Variants in DISP2 observed in about 807,000 individuals in gnomAD.
DISP2 encodes protein dispatched homolog 2.
In DISP2, 59 loss-of-function variants were observed where a neutral mutation model predicts 95.5. The observed-to-expected ratio is 0.62, with a 90% CI of 0.50 to 0.77. The LOEUF (loss-of-function observed/expected upper bound fraction) is 0.77. DISP2 is among the 30% of genes least tolerant of loss of function. The probability of loss-of-function intolerance (pLI) is 0.00; values close to 1 mark genes in which losing one functional copy is unlikely to be tolerated. For missense variants in DISP2, 1,752 were observed against 1,854.6 expected (o/e 0.94, Z 1.02); for synonymous variants, 827 against 815.0 (o/e 1.01, Z -0.25).
intron 4 of DISP2, 123 bp downstream of exon 4, chr15:40,364,667 G>C (rs909334771): frequency 2.7e-6 from 4 of 1,478,254 alleles, no homozygotes; most frequent in Non-Finnish European, 3.6e-6. Context: ...GTAGGCTCTT[G>C]ACCTCCAGAG....
At chr15:40,365,779 A>C in intron 7 of DISP2, 54 bp downstream of exon 7, 1 of 1,555,328 alleles carries the variant, frequency 6.4e-7, no homozygotes, top group Non-Finnish European at 8.9e-7. Context: ...GACATGAGGG[A>C]ACTGATCCCA....
Position 40,367,566 on chromosome 15 carries a change from T to G in DISP2, c.1454T>G (p.Leu485Arg). ...AAGCAGGAGCTGCTGAGGCACTTCC[T>G]GGTCCAGGACACGGTGTACCCCTTG... ...GLKQELLRHF[L>R]VQDTVYPLLA... Residue 485 changes from leucine (L) to arginine (R), a missense_variant, in exon 8 of 8, where the codon CTG (leucine) becomes CGG (arginine). By Grantham distance (102) the Leu-to-Arg change is moderately radical (BLOSUM62 -2). Transcript: ENST00000267889. The G allele has an allele frequency of 6.2e-7, 1 of 1,613,980 alleles. No homozygotes were observed. Among genetic ancestry groups the G allele is most frequent in the Non-Finnish European group, 8.5e-7 (1 of 1,180,018 alleles).
At chr15:40,363,147 CAAA>C (rs5812160) in intron 1 of DISP2, among the ~76,000 whole-genome samples, 1 of 134,830 alleles carries the variant, frequency 7.4e-6, no homozygotes. Context: ...ACTGAAAATA[CAAA>C]AAAAAAAAAA....
rs1566918355 is a variant in DISP2, at chr15:40,370,768, T to A, written c.*450T>A. On this transcript the variant is annotated 3_prime_UTR_variant, in exon 8 of 8. Transcript: ENST00000267889. ...GCAGCAATCTCCACAGCCTCCTGGG[T>A]CTCACCCCTTTCATGGGCTCTTCAT... 1.2e-5 allele frequency: 5 copies of A among 411,048 alleles called. No homozygotes were observed. Among genetic ancestry groups the A allele is most frequent in the South Asian group, 8.5e-5 (5 of 58,816 alleles). 25.5% of individuals were successfully genotyped at this position (411,048 alleles called of 1,614,324 possible).
At chr15:40,359,746 G>T (rs751713662) in intron 1 of DISP2, among the ~76,000 whole-genome samples, 19 of 152,194 alleles carry the variant, frequency 1.2e-4, no homozygotes, top group Non-Finnish European at 2.6e-4. Flanking sequence ...GACACTAATT[G>T]GGCATAGGGA....
rs1215055480 is a variant in DISP2, at chr15:40,364,226, G to A, written c.450G>A (p.Arg150=). 6.2e-7 allele frequency: 1 copy of A among 1,614,076 alleles called. No individual in the cohort carries two copies. The highest frequency in any genetic ancestry group is 1.1e-5 in the South Asian group (1 of 91,086). ...AAGCATCTTTTCTTCTCTTCCACAG[G>A]CAGGAACGAGCCTTCCAGATGCCAA... The part of the protein sequence containing the change: ...PAVQHHVVSV[R]QERAFQMPKS... Residue 150 remains arginine (R), a splice_region_variant and synonymous_variant, in exon 3 of 8, where the codon AGG becomes AGA. Transcript: ENST00000267889.
At chr15:40,360,328 C>G (rs937670498) in intron 1 of DISP2, among the ~76,000 whole-genome samples, 1 of 152,200 alleles carries the variant, frequency 6.6e-6, no homozygotes, top group Non-Finnish European at 1.5e-5. Flanking sequence ...GATCAGAGGG[C>G]AGCAGGAGGT....
chr15:40,373,187 TG>T lies in DISP2; in HGVS notation c.*2870del, dbSNP rs1444953664. ...TATTATTAGGGGCACTTACAATGAG[TG>T]TATGGCCCTGGAGACATGGCTTACA... On this transcript the variant is annotated 3_prime_UTR_variant, in exon 8 of 8. Transcript: ENST00000267889. The T allele has an allele frequency of 6.6e-6, 1 of 152,148 alleles. No homozygotes were observed. The highest frequency in any genetic ancestry group is 1.5e-5 in the Non-Finnish European group (1 of 68,032). The allele number at this position is 152,148 out of a possible 1,614,324, so 9.4% of individuals were successfully genotyped here. A position where few individuals can be genotyped will look rare whatever the true frequency, so the allele number is the denominator to read the frequency against.
rs759432924 is a variant in DISP2 at position 40,368,518 on chromosome 15, G to C, written c.2406G>C (p.Ser802=). The C allele has an allele frequency of 1.9e-6, 3 of 1,606,164 alleles. No homozygotes were observed. The highest frequency in any genetic ancestry group is 1.7e-6 in the Non-Finnish European group (2 of 1,179,890). Reference sequence around the variant, plus strand: ...GCCTGGTGAGGGACCCTGCCTTCTCGGCCAGCGGCCCTGAGGCCCAGCGCT... The same window carrying C: ...GCCTGGTGAGGGACCCTGCCTTCTCCGCCAGCGGCCCTGAGGCCCAGCGCT... ...NSSLVRDPAF[S]ASGPEAQRWL... The change falls in exon 8 of 8, where the codon TCG becomes TCC. Residue 802 remains serine, a synonymous_variant. Coordinates refer to ENST00000267889, the MANE Select transcript of DISP2 (RefSeq NM_033510.3).
chr15:40,375,355 A>G lies in DISP2; in HGVS notation c.*5037A>G, dbSNP rs1403707372. On this transcript the variant is annotated 3_prime_UTR_variant, in exon 8 of 8. Transcript: ENST00000267889. The stretch of plus-strand genomic sequence containing the variant: ...ACAAGAGCTTTAATATTGCTAAAGA[A>G]AATCACACAGCTGAGCAGATTGATG... The G allele has an allele frequency of 1.3e-5, 2 of 152,212 alleles. No homozygotes were observed. The highest frequency in any genetic ancestry group is 2.9e-5 in the Non-Finnish European group (2 of 68,030). 9.4% of individuals were successfully genotyped at this position (152,212 alleles called of 1,614,324 possible). A position where few individuals can be genotyped will look rare whatever the true frequency, so the allele number is the denominator to read the frequency against.
rs202222251 is a variant in DISP2, at chr15:40,369,159, C to T, written c.3047C>T (p.Thr1016Ile). ...LLVLLEWQLN[T>I]AEALFLSASV... is the part of the protein sequence containing the mutation. ...GTTCTCCTCGAGTGGCAGCTCAACACTGCCGAGGCCCTGTTTCTCTCTGCC... is the reference window on the plus strand; with the variant it reads ...GTTCTCCTCGAGTGGCAGCTCAACATTGCCGAGGCCCTGTTTCTCTCTGCC... Residue 1016 changes from threonine to isoleucine, a missense_variant, in exon 8 of 8, where the codon ACT becomes ATT. Coordinates refer to ENST00000267889, the MANE Select transcript of DISP2 (RefSeq NM_033510.3). The T allele has an allele frequency of 3.1e-6, 5 of 1,613,910 alleles. No individual in the cohort carries two copies. The East Asian group carries it at 8.9e-5, about 29-fold the overall frequency.
At chr15:40,358,835 C>A (rs1053825025) in intron 1 of DISP2, among the ~76,000 whole-genome samples, 1 of 152,226 alleles carries the variant, frequency 6.6e-6, no homozygotes, top group Non-Finnish European at 1.5e-5. Context: ...TGAAGGTGTG[C>A]GTGAATCGCG....
rs1023930716 is a variant in DISP2, at chr15:40,368,076, G to C, written c.1964G>C (p.Arg655Pro). The C allele has an allele frequency of 1.4e-6, 2 of 1,418,106 alleles. No homozygotes were observed. Among genetic ancestry groups the C allele is most frequent in the Non-Finnish European group, 9.1e-7 (1 of 1,094,626 alleles). The allele number at this position is 1,418,106 out of a possible 1,614,324, so 87.8% of individuals were successfully genotyped here. Residue 655 changes from arginine (R) to proline (P), a missense_variant, in exon 8 of 8, where the codon CGG becomes CCG. Coordinates refer to ENST00000267889, the MANE Select transcript of DISP2 (RefSeq NM_033510.3). ...ERYLARGCARRARGRWEGSAP... is the reference protein window; with the variant it reads ...ERYLARGCARPARGRWEGSAP... ...TACCTGGCGCGCGGCTGTGCGCGCC[G>C]GGCGCGGGGCCGGTGGGAGGGCAGC...
Position 40,367,519 on chromosome 15 carries a change from C to G in DISP2, c.1407C>G (p.Val469=). 1 of 1,613,812 alleles carries G rather than the reference C, an allele frequency of 6.2e-7. No individual in the cohort carries two copies. Among genetic ancestry groups the G allele is most frequent in the Non-Finnish European group, 8.5e-7 (1 of 1,179,992 alleles). ...GGCTTGCTGACAACTACACCTCTGT[C>G]ACTGGCATGGACCTGGGCCTCAAGC... The part of the protein sequence containing the change: ...PWGLADNYTS[V]TGMDLGLKQE... Residue 469 remains valine (V), a synonymous_variant, in exon 8 of 8, where the codon GTC becomes GTG. Coordinates refer to ENST00000267889, the MANE Select transcript of DISP2 (RefSeq NM_033510.3).
rs781072978 is a variant in DISP2, at chr15:40,365,704, G to A, written c.924G>A (p.Met308Ile). The A allele has an allele frequency of 1.5e-5, 24 of 1,614,004 alleles. No homozygotes were observed. In the African/African-American group the frequency reaches 1.7e-4, roughly 12 times the overall value. ...SLWNLHAIHS[M>I]CRMEQDQIRS... is the part of the protein sequence containing the mutation. ...GGAACCTGCATGCCATCCATTCCAT[G>A]TGTCGCATGGAACAGGACCAGGTGA... The change falls in exon 7 of 8, where the codon ATG becomes ATA. Residue 308 changes from methionine to isoleucine, a missense_variant. Met to Ile is a conservative substitution (Grantham distance 10). This residue lies in a region of DISP2 where 732 missense variants were observed against 714.6 expected (regional missense o/e 1.02). Transcript: ENST00000267889.
intron 6 of DISP2, 64 bp downstream of exon 6, chr15:40,365,338 G>C: frequency 7.6e-6 from 12 of 1,584,550 alleles, no homozygotes; most frequent in Non-Finnish European, 1.0e-5. Context: ...AGTAGGACAG[G>C]CAGGCCCAGA....
chr15:40,365,139 C>T lies in DISP2; in HGVS notation c.720-8C>T, dbSNP rs1168843534. On this transcript the variant is annotated splice_region_variant and splice_polypyrimidine_tract_variant and intron_variant, in intron 5 of 7. Coordinates refer to ENST00000267889, the MANE Select transcript of DISP2 (RefSeq NM_033510.3). ...TGGTGCCTGGCATAGATATTCTCTC[C>T]ACTTCAGCTCGAGCTCCCACAACAC... is the stretch of plus-strand genomic sequence containing the variant. 2 of 1,612,876 alleles carry T rather than the reference C, an allele frequency of 1.2e-6. No individual in the cohort carries two copies. Among genetic ancestry groups the T allele is most frequent in the Admixed American group, 1.7e-5 (1 of 59,800 alleles).
Position 40,367,559 on chromosome 15 carries a change from C to T in DISP2, c.1447C>T (p.His483Tyr). Residue 483 changes from histidine to tyrosine, a missense_variant, in exon 8 of 8, where the codon CAC becomes TAC. Physicochemically the swap from His to Tyr is moderately conservative, Grantham distance 83 (BLOSUM62 2). Around this residue, in one of 5 missense-constraint regions of DISP2, gnomAD observed 732 missense variants for 714.6 expected, o/e 1.02. Transcript: ENST00000267889. ...GGGCCTCAAGCAGGAGCTGCTGAGGCACTTCCTGGTCCAGGACACGGTGTA... is the reference window on the plus strand; with the variant it reads ...GGGCCTCAAGCAGGAGCTGCTGAGGTACTTCCTGGTCCAGGACACGGTGTA... ...DLGLKQELLR[H>Y]FLVQDTVYPL... is the part of the protein sequence containing the mutation. 1 of 1,613,946 alleles carries T rather than the reference C, an allele frequency of 6.2e-7. No individual in the cohort carries two copies. Among genetic ancestry groups the T allele is most frequent in the Non-Finnish European group, 8.5e-7 (1 of 1,180,018 alleles).
At position 40,369,591 on chromosome 15, in the gene DISP2, C is replaced by T. The variant is rs975150024; in HGVS notation, c.3479C>T (p.Ser1160Leu). The change falls in exon 8 of 8, where the codon TCA becomes TTA. Residue 1160 changes from serine (S) to leucine (L), a missense_variant. Ser to Leu is a moderately radical substitution (Grantham distance 145). This residue lies in a region of DISP2 where 347 missense variants were observed against 344.2 expected (regional missense o/e 1.01). Transcript: ENST00000267889. ...GSVGGMPGSC[S>L]EQYELQPLAR... ...GTGGGAGGGATGCCCGGGTCCTGCT[C>T]AGAGCAATATGAGCTACAGCCCCTG... 13 of 1,611,724 alleles carry T rather than the reference C, an allele frequency of 8.1e-6. No homozygotes were observed. Among genetic ancestry groups the T allele is most frequent in the African/African-American group, 1.3e-5 (1 of 75,044 alleles).
Sources: allele counts gnomAD v4.1 joint callset (sites outside exome capture counted in the v4.1 genomes callset), GRCh38; gene constraint gnomAD v4.1.1; regional missense constraint gnomAD v4.1.1; transcripts MANE v1.5; gene names NCBI Gene and HGNC (gene_info 2026-07-23, HGNC 2026-07-21).